CYP7B1: variants seen among roughly 807,000 people sequenced by gnomAD.
CYP7B1 encodes the protein cytochrome P450 7B1.
CYP7B1 carries 29 observed loss-of-function variants against 42.7 expected under a neutral mutation model. That is an observed-to-expected ratio of 0.68 (90% confidence interval 0.51 to 0.93). The LOEUF (loss-of-function observed/expected upper bound fraction) is 0.93, where lower values mean the gene tolerates loss of function less well. CYP7B1 is among the 40% of genes least tolerant of loss of function. The pLI, the probability that CYP7B1 is intolerant of heterozygous loss-of-function variation, is 0.00. For synonymous variants in CYP7B1, 235 were observed against 218.2 expected, an observed-to-expected ratio of 1.08 and a Z score of -0.68; for missense variants, 655 against 600.5, an observed-to-expected ratio of 1.09 and a Z score of -0.95.
At chr8:64,731,433 T>C (rs903035587) in intron 1 of CYP7B1, among the ~76,000 whole-genome samples, 1 of 152,106 alleles carries the variant, frequency 6.6e-6, no homozygotes, top group Non-Finnish European at 1.5e-5. Flanking sequence ...GCCCTCGAGA[T>C]CTATGGAAAT....
chr8:64,778,043 T>C (rs1194448597), intron 1 of CYP7B1, among the ~76,000 whole-genome samples: 1 of 151,606 alleles, frequency 6.6e-6, no homozygotes, highest in Non-Finnish European at 1.5e-5. Context: ...AATGCTTTGG[T>C]CAAAAGTCCT....
chr8:64,622,415 G>A (rs776945301), intron 2 of CYP7B1, among the ~76,000 whole-genome samples: 6 of 152,196 alleles, frequency 3.9e-5, no homozygotes, highest in Non-Finnish European at 5.9e-5. Flanking sequence ...CTAGAAGGGG[G>A]AGTATAGAGA....
chr8:64,686,939 T>G (rs1017717677), intron 1 of CYP7B1, among the ~76,000 whole-genome samples: 3 of 120,424 alleles, frequency 2.5e-5, no homozygotes, highest in African/African-American at 1.0e-4. Context: ...AGCATGCTCG[T>G]TAAGAGTCAT....
chr8:64,604,551 G>A, intron 5 of CYP7B1, 131 bp downstream of exon 5: 1 of 885,496 alleles, frequency 1.1e-6, no homozygotes, highest in East Asian at 2.5e-5. Flanking sequence ...TTATTAGGAG[G>A]AATAATAGAA....
intron 1 of CYP7B1, among the ~76,000 whole-genome samples, chr8:64,781,882 A>G (rs1804429711): frequency 6.6e-6 from 1 of 152,220 alleles, no homozygotes; most frequent in Non-Finnish European, 1.5e-5. Flanking sequence ...CAAGTAGCAC[A>G]GCACCTTAAT....
chr8:64,798,388 G>A (rs910721536), intron 1 of CYP7B1, 78 bp downstream of exon 1: 33 of 1,423,480 alleles, frequency 2.3e-5, no homozygotes, highest in South Asian at 4.5e-5. Flanking sequence ...CATGGAGGGG[G>A]ACTCCCCTCG....
intron 1 of CYP7B1, among the ~76,000 whole-genome samples, chr8:64,692,922 A>AT (rs2129632257): frequency 6.6e-6 from 1 of 152,248 alleles, no homozygotes; most frequent in East Asian, 1.9e-4. Flanking sequence ...ATGCTTTTCC[A>AT]TTTTCTATTT....
Position 64,624,416 on chromosome 8 carries a change from T to G in CYP7B1, c.246A>C (p.Thr82=). 1.9e-6 allele frequency: 3 copies of G among 1,613,522 alleles called. No individual in the cohort carries two copies. Among genetic ancestry groups the G allele is most frequent in the East Asian group, 2.2e-5 (1 of 44,818 alleles). The change falls in exon 2 of 6, where the codon ACA becomes ACC. Residue 82 remains threonine, a synonymous_variant. Coordinates refer to ENST00000310193, the MANE Select transcript of CYP7B1 (RefSeq NM_004820.5). ...TLQKQHGDTF[T]VLLGGKYITF... ...AGTGCTTCTTACCACCAAGAAGAAC[T>G]GTGAAAGTGTCACCATGTTGCTTTT...
At chr8:64,698,344 A>C (rs550800768) in intron 1 of CYP7B1, among the ~76,000 whole-genome samples, 1 of 152,216 alleles carries the variant, frequency 6.6e-6, no homozygotes, top group East Asian at 1.9e-4. Flanking sequence ...GGGGGGGAAA[A>C]AAACTAAACT....
intron 1 of CYP7B1, among the ~76,000 whole-genome samples, chr8:64,647,164 G>T (rs1458612732): frequency 6.6e-6 from 1 of 152,158 alleles, no homozygotes; most frequent in East Asian, 1.9e-4. Flanking sequence ...TGGGGGAATG[G>T]TTGGTCAGTG....
intron 4 of CYP7B1, among the ~76,000 whole-genome samples, chr8:64,606,282 T>C (rs1805279129): frequency 6.6e-6 from 1 of 152,226 alleles, no homozygotes. Flanking sequence ...ACGAGGCACC[T>C]GACACGATGG....
intron 1 of CYP7B1, among the ~76,000 whole-genome samples, chr8:64,789,936 C>G (rs1318369902): frequency 6.6e-6 from 1 of 152,192 alleles, no homozygotes; most frequent in East Asian, 1.9e-4. Context: ...GCCTCAGCAC[C>G]TGACATTTCT....
rs186256632 is a variant in CYP7B1, at chr8:64,708,134, G to C, written c.123-83595C>G. On this transcript the variant is annotated intron_variant, in intron 1 of 5. Coordinates refer to ENST00000310193, the MANE Select transcript of CYP7B1 (RefSeq NM_004820.5). The stretch of plus-strand genomic sequence containing the variant: ...GCTTCACTGCCCAGTCATCTGTATT[G>C]AGTAATTGATGTTGGATAACAGATT... Among the ~76,000 whole-genome samples, 159 of 152,232 alleles carry C rather than the reference G, an allele frequency of 1.0e-3. 1 individual carries two copies. Among genetic ancestry groups the C allele is most frequent in the African/African-American group, 3.7e-3 (152 of 41,554 alleles).
chr8:64,736,378 G>A (rs1341792063), intron 1 of CYP7B1, among the ~76,000 whole-genome samples: 1 of 152,140 alleles, frequency 6.6e-6, no homozygotes, highest in Non-Finnish European at 1.5e-5. Flanking sequence ...GGCTGGGCAA[G>A]AGAAACAAAA....
intron 1 of CYP7B1, among the ~76,000 whole-genome samples, chr8:64,670,866 CTA>C (rs1397312125): frequency 6.6e-6 from 1 of 151,962 alleles, no homozygotes; most frequent in Non-Finnish European, 1.5e-5. Context: ...CTCTGAATTC[CTA>C]GTCTTTTTTT....
chr8:64,647,384 C>CA (rs200310110), intron 1 of CYP7B1, among the ~76,000 whole-genome samples: 157 of 148,802 alleles, frequency 1.1e-3, no homozygotes, highest in Non-Finnish European at 1.8e-3. Flanking sequence ...CATGGTGTTG[C>CA]AAAAAAAAAT....
In CYP7B1 at chr8:64,798,701, G is replaced by C; in HGVS notation, c.-114C>G. On this transcript the variant is annotated 5_prime_UTR_variant, in exon 1 of 6. Coordinates refer to ENST00000310193, the MANE Select transcript of CYP7B1 (RefSeq NM_004820.5). Reference sequence around the variant, plus strand: ...GGCGGCGCCCCCTAGTCCAGGGCCGGAGAGGCTGGCCTGCCCGCAGCGCAG... The same window carrying C: ...GGCGGCGCCCCCTAGTCCAGGGCCGCAGAGGCTGGCCTGCCCGCAGCGCAG... The C allele has an allele frequency of 8.2e-7, 1 of 1,218,888 alleles. No individual in the cohort carries two copies. Among genetic ancestry groups the C allele is most frequent in the Non-Finnish European group, 1.1e-6 (1 of 931,898 alleles). The allele number at this position is 1,218,888 out of a possible 1,614,324, so 75.5% of individuals were successfully genotyped here. A position where few individuals can be genotyped will look rare whatever the true frequency, so the allele number is the denominator to read the frequency against.
chr8:64,734,186 T>C (rs1402915450), intron 1 of CYP7B1, among the ~76,000 whole-genome samples: 1 of 152,204 alleles, frequency 6.6e-6, no homozygotes, highest in Admixed American at 6.5e-5. Flanking sequence ...CTAATAATCA[T>C]AAACTTATGA....
intron 1 of CYP7B1, among the ~76,000 whole-genome samples, chr8:64,773,947 C>T (rs1804279676): frequency 6.6e-6 from 1 of 152,214 alleles, no homozygotes; most frequent in Non-Finnish European, 1.5e-5. Flanking sequence ...AGGACAGATG[C>T]AACATTAAGT....
Sources: gnomAD v4.1 joint callset for allele counts (sites outside exome capture counted in the v4.1 genomes callset) on GRCh38, gnomAD v4.1.1 for gene constraint, MANE v1.5 for transcripts, NCBI Gene and HGNC (gene_info 2026-07-23, HGNC 2026-07-21) for gene names.